SLC25A48: variants seen among roughly 807,000 people sequenced by gnomAD.
The protein encoded by SLC25A48 is CTC-321K16.1.
SLC25A48 carries 29 observed loss-of-function variants against 32.2 expected under a neutral mutation model. That is an observed-to-expected ratio of 0.90 (90% confidence interval 0.67 to 1.23). The LOEUF (loss-of-function observed/expected upper bound fraction) is 1.23, where lower values mean the gene tolerates loss of function less well. Among genes scored for constraint, SLC25A48 ranks in the 50% most tolerant of loss-of-function variants. The probability of loss-of-function intolerance (pLI) is 0.00; values close to 1 mark genes in which losing one functional copy is unlikely to be tolerated. For synonymous variants in SLC25A48, 164 were observed against 172.3 expected, an observed-to-expected ratio of 0.95 and a Z score of 0.38; for missense variants, 399 against 422.7, an observed-to-expected ratio of 0.94 and a Z score of 0.49.
intron 3 of SLC25A48, among the ~76,000 whole-genome samples, chr5:135,795,106 A>G (rs1757135059): frequency 6.6e-6 from 1 of 151,842 alleles, no homozygotes; most frequent in South Asian, 2.1e-4. Context: ...GGGGCTGTAC[A>G]CCACTCCTGT....
At chr5:135,654,613 T>C (rs1753199026) in intron 3 of SLC25A48, among the ~76,000 whole-genome samples, 2 of 152,202 alleles carry the variant, frequency 1.3e-5, no homozygotes, top group South Asian at 4.1e-4. Context: ...GTGGTGATGG[T>C]TGATTTTATG....
chr5:135,816,867 A>G (rs1352312253), intron 4 of SLC25A48, among the ~76,000 whole-genome samples: 3 of 152,250 alleles, frequency 2.0e-5, no homozygotes, highest in Non-Finnish European at 2.9e-5. Context: ...GGCATTCTTT[A>G]GAATGTAACA....
chr5:135,827,406 G>A (rs1403930790), intron 4 of SLC25A48: 1 of 152,162 alleles, frequency 6.6e-6, no homozygotes, highest in African/African-American at 2.4e-5. Context: ...TCACACTAGA[G>A]TTACATCAAA....
chr5:135,788,877 C>T (rs1580881051), intron 3 of SLC25A48, among the ~76,000 whole-genome samples: 1 of 151,362 alleles, frequency 6.6e-6, no homozygotes, highest in Non-Finnish European at 1.5e-5. Flanking sequence ...GATATTACTC[C>T]CCATGTGTCG....
At chr5:135,752,833 G>A (rs1755800381) in intron 3 of SLC25A48, among the ~76,000 whole-genome samples, 1 of 151,848 alleles carries the variant, frequency 6.6e-6, no homozygotes, top group Non-Finnish European at 1.5e-5. Context: ...AATCTTCTAT[G>A]ATATGGATAA....
chr5:135,789,642 T>G (rs938515340), intron 3 of SLC25A48, among the ~76,000 whole-genome samples: 1 of 151,518 alleles, frequency 6.6e-6, no homozygotes, highest in African/African-American at 2.4e-5. Flanking sequence ...GTGTACAGCC[T>G]TTTGCGATAT....
intron 3 of SLC25A48, among the ~76,000 whole-genome samples, chr5:135,708,525 A>G (rs1232641285): frequency 6.6e-6 from 1 of 152,218 alleles, no homozygotes; most frequent in Non-Finnish European, 1.5e-5. Context: ...TTGCATGGTC[A>G]CTGTAATGGT....
intron 3 of SLC25A48, among the ~76,000 whole-genome samples, chr5:135,708,112 A>AGG (rs1754564566): frequency 6.6e-6 from 1 of 152,186 alleles, no homozygotes; most frequent in Non-Finnish European, 1.5e-5. Flanking sequence ...TCCAGGCAGC[A>AGG]GGGGCCTGGG....
intron 3 of SLC25A48, among the ~76,000 whole-genome samples, chr5:135,678,467 T>A (rs1753820085): frequency 2.0e-5 from 3 of 152,210 alleles, no homozygotes; most frequent in South Asian, 4.1e-4. Flanking sequence ...AAAATTCTCT[T>A]GTATCTCACT....
chr5:135,672,020 C>G (rs967132266), intron 3 of SLC25A48, among the ~76,000 whole-genome samples: 1 of 152,166 alleles, frequency 6.6e-6, no homozygotes, highest in African/African-American at 2.4e-5. Context: ...TAAGCAAAGC[C>G]AACCATTAGC....
At chr5:135,664,757 AT>A (rs958458704) in intron 3 of SLC25A48, among the ~76,000 whole-genome samples, 1 of 152,100 alleles carries the variant, frequency 6.6e-6, no homozygotes, top group African/African-American at 2.4e-5. Context: ...AAAAGACATT[AT>A]TTTTTTTGTG....
chr5:135,840,769 G>T (rs1299707789), intron 1 of SLC25A48, among the ~76,000 whole-genome samples: 2 of 152,180 alleles, frequency 1.3e-5, no homozygotes, highest in Non-Finnish European at 2.9e-5. Flanking sequence ...TTGCCAAACA[G>T]TATTCCTCTG....
In SLC25A48 at chr5:135,770,098, A is replaced by G. The variant is rs191515162; in HGVS notation, c.-520-42425A>G. The stretch of plus-strand genomic sequence containing the variant: ...TTTCCTAATAGCCGGGGGGGAGACA[A>G]TGATATTATTCCTAATATTGCAAGG... On this transcript the variant is annotated intron_variant, in intron 3 of 10. Coordinates refer to the SLC25A48 transcript ENST00000646290. Among the ~76,000 whole-genome samples the G allele has an allele frequency of 3.7e-3, 554 of 151,686 alleles. 5 individuals are homozygous for G. The highest frequency in any genetic ancestry group is 0.019 in the Admixed American group (296 of 15,190).
intron 3 of SLC25A48, among the ~76,000 whole-genome samples, chr5:135,788,973 A>G (rs1756935846): frequency 6.7e-6 from 1 of 150,034 alleles, no homozygotes; most frequent in Non-Finnish European, 1.5e-5. Flanking sequence ...GGGTGTCCAC[A>G]TCCCTGTGAT....
chr5:135,692,375 G>C (rs1699265645), intron 3 of SLC25A48, among the ~76,000 whole-genome samples: 1 of 92,056 alleles, frequency 1.1e-5, no homozygotes, highest in African/African-American at 3.8e-5. Context: ...TCTGGCAGTG[G>C]GATTCTTTTC....
At chr5:135,660,207 C>A (rs1753361878) in intron 3 of SLC25A48, among the ~76,000 whole-genome samples, 1 of 152,190 alleles carries the variant, frequency 6.6e-6, no homozygotes, top group South Asian at 2.1e-4. Flanking sequence ...GAGATATCCT[C>A]TACACACTTT....
chr5:135,673,282 C>T (rs1753697153), intron 3 of SLC25A48, among the ~76,000 whole-genome samples: 1 of 152,136 alleles, frequency 6.6e-6, no homozygotes, highest in Admixed American at 6.5e-5. Flanking sequence ...TAGATGTATG[C>T]TTAACTTTCC....
At position 135,880,067 on chromosome 5, in the gene SLC25A48, G is replaced by A; in HGVS notation, c.913G>A (p.Asp305Asn). The change falls in exon 7 of 8, where the codon GAC becomes AAC. Residue 305 changes from aspartate (D) to asparagine (N), a missense_variant. Asp to Asn is a conservative substitution (Grantham distance 23, BLOSUM62 1). Transcript: ENST00000681962. ...GCTGTCGCTGCAGGCTATCCGCGGG[G>A]ACCACGCAGTGACGAGCCCATAAGC... ...YELSLQAIRG[D>N]HAVTSP 6.5e-7 allele frequency: 1 copy of A among 1,536,124 alleles called. No individual in the cohort carries two copies. The highest frequency in any genetic ancestry group is 8.7e-7 in the Non-Finnish European group (1 of 1,146,892).
At chr5:135,811,085 G>A (rs1757580172) in intron 3 of SLC25A48, among the ~76,000 whole-genome samples, 1 of 152,130 alleles carries the variant, frequency 6.6e-6, no homozygotes, top group East Asian at 1.9e-4. Context: ...CTGTAGGAGG[G>A]ATCCTGCCTC....
Sources: allele counts gnomAD v4.1 joint callset (sites outside exome capture counted in the v4.1 genomes callset), GRCh38; gene constraint gnomAD v4.1.1; transcripts MANE v1.5; gene names NCBI Gene and HGNC (gene_info 2026-07-23, HGNC 2026-07-21).